The following NRK variants were observed in gnomAD, a reference collection of about 807,000 sequenced individuals.
NRK encodes nik-related protein kinase.
A neutral mutation model predicts 125.2 loss-of-function variants in NRK; 67 were observed. The ratio of observed to expected loss-of-function variants is 0.54; its 90% CI spans 0.44 to 0.66. NRK has a LOEUF of 0.66. Ranked by LOEUF, NRK falls within the 30% of genes least tolerant of loss-of-function variation. The pLI is 0.00. For synonymous variants in NRK, 458 were observed against 429.0 expected (o/e 1.07, Z -0.84); for missense variants, 1,224 against 1,192.9 (o/e 1.03, Z -0.38).
At chrX:105,905,402 A>G in intron 10 of NRK, 59 bp downstream of exon 10, 2 of 862,583 alleles carry the variant, frequency 2.3e-6, no homozygotes, top group Non-Finnish European at 3.4e-6. Flanking sequence ...ATGTTAGCAA[A>G]GAAGTTTTAA....
intron 2 of NRK, among the ~76,000 whole-genome samples, chrX:105,864,235 C>G (rs2039641524): frequency 9.0e-6 from 1 of 110,996 alleles, no homozygotes; most frequent in Admixed American, 9.7e-5. Context: ...CAACTAAACA[C>G]AGATATTTGG....
At chrX:105,893,022 G>C (rs1017520958) in intron 5 of NRK, among the ~76,000 whole-genome samples, 6 of 111,419 alleles carry the variant, frequency 5.4e-5, no homozygotes, top group African/African-American at 2.0e-4. Flanking sequence ...ATATTGCTAG[G>C]ATAATTATAA....
intron 5 of NRK, among the ~76,000 whole-genome samples, chrX:105,889,220 C>T (rs1274224569): frequency 8.9e-6 from 1 of 112,722 alleles, no homozygotes; most frequent in Non-Finnish European, 1.9e-5. Context: ...CAAAATCCAG[C>T]AGAGCAGTCA....
chrX:105,919,623 G>C (rs2040412634), intron 16 of NRK, among the ~76,000 whole-genome samples: 1 of 111,412 alleles, frequency 9.0e-6, no homozygotes, highest in African/African-American at 3.3e-5. Flanking sequence ...GTTGTACATT[G>C]CTGCTATAAA....
intron 1 of NRK, among the ~76,000 whole-genome samples, chrX:105,826,381 C>A (rs1350205688): frequency 5.0e-4 from 36 of 72,127 alleles, no homozygotes; most frequent in Non-Finnish European, 6.8e-4. Context: ...TATATATTAT[C>A]ATATATATAA....
At chrX:105,830,314 C>CAAAAAAAAAA (rs71932033) in intron 1 of NRK, among the ~76,000 whole-genome samples, 3 of 11,041 alleles carry the variant, frequency 2.7e-4, no homozygotes, top group African/African-American at 6.3e-4. Context: ...AACTCCGTCG[C>CAAAAAAAAAA]AAAAAAAAAA....
chrX:105,933,394 A>G (rs1261941768), intron 19 of NRK, among the ~76,000 whole-genome samples: 2 of 111,879 alleles, frequency 1.8e-5, no homozygotes, highest in Admixed American at 1.9e-4. Context: ...GGTCATAAAA[A>G]CCAGTCTTTT....
intron 2 of NRK, among the ~76,000 whole-genome samples, chrX:105,844,802 T>C (rs919719152): frequency 1.8e-5 from 2 of 111,922 alleles, no homozygotes; most frequent in Non-Finnish European, 3.8e-5. Flanking sequence ...CATAATTCCA[T>C]TGAGGCTGAG....
At chrX:105,922,089 T>A (rs1273099049) in intron 17 of NRK, 28 bp downstream of exon 17, 2 of 716,711 alleles carry the variant, frequency 2.8e-6, no homozygotes, top group Admixed American at 5.0e-5. Context: ...CACATTAATG[T>A]CTATTATTTT....
chrX:105,880,580 A>T (rs919219163), intron 3 of NRK, among the ~76,000 whole-genome samples: 1 of 110,805 alleles, frequency 9.0e-6, no homozygotes, highest in Non-Finnish European at 1.9e-5. Flanking sequence ...CAAAGAAGAG[A>T]TTGCTTCTAA....
intron 2 of NRK, among the ~76,000 whole-genome samples, chrX:105,857,006 G>A (rs937650195): frequency 9.9e-5 from 11 of 111,216 alleles, no homozygotes; most frequent in African/African-American, 3.6e-4. Context: ...CCTAGAACCT[G>A]TTACATAATA....
chrX:105,886,865 C>T (rs372809979), intron 4 of NRK, among the ~76,000 whole-genome samples: 7 of 110,606 alleles, frequency 6.3e-5, no homozygotes, highest in African/African-American at 2.3e-4. Context: ...ACCAAATAAT[C>T]AAGATAGTAT....
chrX:105,904,204 G>A (rs2040192578), intron 9 of NRK, among the ~76,000 whole-genome samples: 1 of 111,870 alleles, frequency 8.9e-6, no homozygotes, highest in South Asian at 3.7e-4. Context: ...AGATGAAATT[G>A]ACACTGTGGT....
chrX:105,821,800 C>G, upstream of NRK, among the ~76,000 whole-genome samples: 1 of 111,922 alleles, frequency 8.9e-6, no homozygotes, highest in Non-Finnish European at 1.9e-5. Context: ...TTACTCAACC[C>G]TGCGCACCTG....
intron 2 of NRK, among the ~76,000 whole-genome samples, chrX:105,853,535 A>T (rs905799890): frequency 1.8e-5 from 2 of 112,194 alleles, no homozygotes; most frequent in African/African-American, 6.5e-5. Context: ...ACACAGACAC[A>T]CACACACAAA....
chrX:105,828,308 G>C lies in NRK; in HGVS notation c.58-2746G>C, dbSNP rs189565633. On this transcript the variant is annotated intron_variant, in intron 1 of 28. Coordinates refer to ENST00000243300, the MANE Select transcript of NRK (RefSeq NM_198465.4). ...TATGAAAGATGGTTTGGTCATTCGA[G>C]AGCAGAAATCAAGTTTCCCAACATA... Among the ~76,000 whole-genome samples, 4 of 112,052 alleles carry C rather than the reference G, an allele frequency of 3.6e-5. No individual in the cohort carries two copies. The Admixed American group carries it at 3.8e-4, about 11-fold the overall frequency.
chrX:105,943,325 A>G (rs892065609), intron 23 of NRK, among the ~76,000 whole-genome samples: 1 of 111,901 alleles, frequency 8.9e-6, no homozygotes, highest in Non-Finnish European at 1.9e-5. Context: ...AACACCATTG[A>G]CCATAGATGT....
intron 18 of NRK, among the ~76,000 whole-genome samples, chrX:105,923,928 T>TATATATATATATA (rs2040489298): frequency 1.3e-5 from 1 of 78,917 alleles, no homozygotes; most frequent in Non-Finnish European, 2.1e-5. Flanking sequence ...TATATATATG[T>TATATATATATATA]GAAATTTAAG....
intron 2 of NRK, among the ~76,000 whole-genome samples, chrX:105,864,995 A>G (rs2039651034): frequency 9.0e-6 from 1 of 111,472 alleles, no homozygotes; most frequent in Non-Finnish European, 1.9e-5. Flanking sequence ...CTAGCCATAT[A>G]CACAACTCTT....
Sources: allele counts gnomAD v4.1 joint callset (sites outside exome capture counted in the v4.1 genomes callset), GRCh38; gene constraint gnomAD v4.1.1; transcripts MANE v1.5; gene names NCBI Gene and HGNC (gene_info 2026-07-23, HGNC 2026-07-21).